Variants in TANGO6 observed in about 807,000 individuals in gnomAD.
TANGO6 encodes transport and Golgi organization protein 6 homolog.
Under a neutral mutation model 114.2 loss-of-function variants are expected in TANGO6, and 90 were observed. The observed-to-expected ratio is 0.79, with a 90% CI of 0.66 to 0.94. The LOEUF is 0.94. Among genes scored for constraint, TANGO6 ranks in the 40% least tolerant of loss-of-function variants. The pLI is 0.00. For missense variants in TANGO6, 1,274 were observed against 1,315.3 expected (o/e 0.97, Z 0.49); for synonymous variants, 477 against 509.8 (o/e 0.94, Z 0.87).
At chr16:69,040,672 C>T (rs1336435548) in intron 17 of TANGO6, among the ~76,000 whole-genome samples, 1 of 151,936 alleles carries the variant, frequency 6.6e-6, no homozygotes, top group Non-Finnish European at 1.5e-5. Flanking sequence ...AGATTGAGGC[C>T]CTGAATCCTG....
intron 16 of TANGO6, among the ~76,000 whole-genome samples, chr16:69,032,601 G>A (rs1003434067): frequency 3.3e-5 from 5 of 152,080 alleles, no homozygotes; most frequent in African/African-American, 9.6e-5. Context: ...ACTGTTGGCC[G>A]GGCATGGTGG....
At chr16:68,925,573 C>T (rs977351482) in intron 12 of TANGO6, among the ~76,000 whole-genome samples, 1 of 152,108 alleles carries the variant, frequency 6.6e-6, no homozygotes, top group Non-Finnish European at 1.5e-5. Flanking sequence ...TCTTCTCATT[C>T]TCTTGACAGT....
chr16:68,887,947 G>A (rs1386912536), intron 7 of TANGO6, among the ~76,000 whole-genome samples: 2 of 152,034 alleles, frequency 1.3e-5, no homozygotes, highest in Admixed American at 6.6e-5. Context: ...ATTTTATGAT[G>A]GGAAAAAGTA....
chr16:68,953,384 A>G (rs1339094407), intron 14 of TANGO6, among the ~76,000 whole-genome samples: 3 of 152,100 alleles, frequency 2.0e-5, no homozygotes, highest in Non-Finnish European at 4.4e-5. Flanking sequence ...CACCCGCCTC[A>G]ACAGATATTT....
At position 68,943,513 on chromosome 16, in the gene TANGO6, G is replaced by A. The variant is rs575038518; in HGVS notation, c.2701+13218G>A. Among the ~76,000 whole-genome samples the A allele has an allele frequency of 4.5e-4, 69 of 152,038 alleles. 1 individual carries two copies. The highest frequency in any genetic ancestry group is 2.6e-3 in the Admixed American group (39 of 15,246). ...CGAGTAGCTGGGACTACAGGTGCCT[G>A]CCACCACGCACTGGCTAATTTTTTG... On this transcript the variant is annotated intron_variant, in intron 14 of 17. Coordinates refer to ENST00000261778, the MANE Select transcript of TANGO6 (RefSeq NM_024562.2).
intron 17 of TANGO6, among the ~76,000 whole-genome samples, chr16:69,059,785 G>A: frequency 6.6e-6 from 1 of 152,142 alleles, no homozygotes; most frequent in Non-Finnish European, 1.5e-5. Context: ...AGTTACCCAG[G>A]GATGGTAAGG....
At chr16:68,856,376 T>C (rs1441203477) in intron 1 of TANGO6, among the ~76,000 whole-genome samples, 1 of 152,254 alleles carries the variant, frequency 6.6e-6, no homozygotes. Flanking sequence ...ATACTGTTAA[T>C]AAGATGAATC....
intron 17 of TANGO6, among the ~76,000 whole-genome samples, chr16:69,079,270 C>T (rs952303964): frequency 6.6e-6 from 1 of 151,782 alleles, no homozygotes; most frequent in African/African-American, 2.4e-5. Flanking sequence ...GCGGAGGTTG[C>T]AGTGAGCCGA....
intron 15 of TANGO6, among the ~76,000 whole-genome samples, chr16:68,991,426 G>A (rs950839045): frequency 6.6e-6 from 1 of 151,938 alleles, no homozygotes; most frequent in African/African-American, 2.4e-5. Flanking sequence ...GACCAGCCTG[G>A]CCAACATGGT....
chr16:68,982,074 A>G (rs1392599751), intron 15 of TANGO6, among the ~76,000 whole-genome samples: 1 of 152,216 alleles, frequency 6.6e-6, no homozygotes, highest in Non-Finnish European at 1.5e-5. Context: ...GCATCATAAA[A>G]TGCACAGGAT....
rs1170660231 is a variant in TANGO6, at chr16:68,980,647, T to C, written c.2842+6479T>C. ...AGGTTGTTATGAGTAGCTGGAACTT[T>C]AGGTGCGTGCCACCACACCCAGCAA... On this transcript the variant is annotated intron_variant, in intron 15 of 17. Coordinates refer to ENST00000261778, the MANE Select transcript of TANGO6 (RefSeq NM_024562.2). 3.3e-5 allele frequency among the ~76,000 whole-genome samples: 5 copies of C among 151,356 alleles called. 1 individual carries two copies. In the South Asian group the frequency reaches 1.0e-3, roughly 32 times the overall value.
At chr16:69,041,852 T>C (rs1472301316) in intron 17 of TANGO6, among the ~76,000 whole-genome samples, 1 of 152,222 alleles carries the variant, frequency 6.6e-6, no homozygotes, top group Admixed American at 6.6e-5. Context: ...GTAGGTGGTG[T>C]CTGTTTAGCA....
chr16:69,030,819 A>T (rs1236473522), intron 16 of TANGO6, among the ~76,000 whole-genome samples: 1 of 151,866 alleles, frequency 6.6e-6, no homozygotes, highest in Non-Finnish European at 1.5e-5. Context: ...TAGGAGGCGG[A>T]GGTGGGCAGA....
chr16:68,987,622 G>C (rs1338287676), intron 15 of TANGO6, among the ~76,000 whole-genome samples: 1 of 152,122 alleles, frequency 6.6e-6, no homozygotes, highest in Non-Finnish European at 1.5e-5. Context: ...GCCTACCTTG[G>C]CTGAATTATA....
chr16:68,870,494 G>A (rs971461992), intron 4 of TANGO6, among the ~76,000 whole-genome samples: 1 of 152,042 alleles, frequency 6.6e-6, no homozygotes, highest in Admixed American at 6.6e-5. Flanking sequence ...ACAGGTCTTT[G>A]CATCTTCCTT....
chr16:69,076,860 T>C (rs780604193), intron 17 of TANGO6, among the ~76,000 whole-genome samples: 26 of 152,062 alleles, frequency 1.7e-4, no homozygotes, highest in Non-Finnish European at 2.6e-4. Flanking sequence ...CCCTGTCCCA[T>C]TGGAGTTCAT....
intron 16 of TANGO6, among the ~76,000 whole-genome samples, chr16:69,032,678 A>G (rs1597065582): frequency 6.6e-6 from 1 of 151,966 alleles, no homozygotes; most frequent in African/African-American, 2.4e-5. Context: ...GGAGTTCAAG[A>G]CCAGCCTAGC....
chr16:69,020,942 G>GGTGT (rs1555528359), intron 15 of TANGO6, among the ~76,000 whole-genome samples: 3 of 126,652 alleles, frequency 2.4e-5, no homozygotes, highest in Admixed American at 7.6e-5. Context: ...GTGTGTGTGT[G>GGTGT]GTGTGTGTGT....
chr16:68,905,717 A>G (rs1181836607), intron 9 of TANGO6, among the ~76,000 whole-genome samples: 4 of 152,024 alleles, frequency 2.6e-5, no homozygotes, highest in Non-Finnish European at 5.9e-5. Context: ...ACAAAAAAAT[A>G]CAAAAATTAG....
Sources: allele counts gnomAD v4.1 joint callset (sites outside exome capture counted in the v4.1 genomes callset), GRCh38; gene constraint gnomAD v4.1.1; transcripts MANE v1.5; gene names NCBI Gene and HGNC (gene_info 2026-07-23, HGNC 2026-07-21).